Variants in ARK2N observed in about 807,000 individuals in gnomAD.
ARK2N encodes the protein protein ARK2N.
the ARK2N span, among the ~76,000 whole-genome samples, chr18:46,185,315 A>G: frequency 3.8e-4 from 58 of 152,334 alleles, no homozygotes; most frequent in African/African-American, 1.3e-3. Context: ...TGTCTTTCTC[A>G]TAGTGTGCTA....
At chr18:46,183,679 T>C in the ARK2N span, among the ~76,000 whole-genome samples, 1 of 152,148 alleles carries the variant, frequency 6.6e-6, no homozygotes, top group African/African-American at 2.4e-5. Flanking sequence ...CTTTCTACTA[T>C]ATTGTATTTC....
chr18:46,263,194 C>T, the ARK2N span: 45 of 1,396,062 alleles, frequency 3.2e-5, no homozygotes, highest in South Asian at 6.1e-4. Flanking sequence ...AGTTCATTGT[C>T]ATAGCTTCAG....
chr18:46,184,512 A>G, the ARK2N span, among the ~76,000 whole-genome samples: 16 of 152,220 alleles, frequency 1.1e-4, no homozygotes, highest in African/African-American at 3.9e-4. Context: ...GCTTAAATAC[A>G]GGAGTTTGAG....
At chr18:46,253,918 A>G in the ARK2N span, 15 of 1,376,558 alleles carry the variant, frequency 1.1e-5, no homozygotes, top group Non-Finnish European at 1.3e-5. Flanking sequence ...TTTATGGCAT[A>G]GCTGGCATGA....
the ARK2N span, among the ~76,000 whole-genome samples, chr18:46,253,418 A>T: frequency 6.6e-6 from 1 of 152,100 alleles, no homozygotes; most frequent in Non-Finnish European, 1.5e-5. Context: ...AAGCATTTAA[A>T]TTTTTTTATC....
chr18:46,195,772 C>T, the ARK2N span, among the ~76,000 whole-genome samples: 6 of 151,562 alleles, frequency 4.0e-5, no homozygotes, highest in African/African-American at 9.7e-5. Context: ...GACAGAGCTT[C>T]GCCATGTTGG....
the ARK2N span, among the ~76,000 whole-genome samples, chr18:46,227,097 C>T: frequency 6.6e-6 from 1 of 152,200 alleles, no homozygotes; most frequent in African/African-American, 2.4e-5. Context: ...GCATGAGCCA[C>T]TGCGCCTGGC....
At chr18:46,246,761 G>A in the ARK2N span, among the ~76,000 whole-genome samples, 3 of 151,968 alleles carry the variant, frequency 2.0e-5, no homozygotes, top group African/African-American at 7.3e-5. Flanking sequence ...TTACCAACAT[G>A]GCCAAACCCC....
the ARK2N span, among the ~76,000 whole-genome samples, chr18:46,185,925 T>A: frequency 6.6e-6 from 1 of 152,034 alleles, no homozygotes; most frequent in Admixed American, 6.6e-5. Flanking sequence ...AGGTGGAGGT[T>A]TCTGTGAGCT....
At chr18:46,207,119 G>A in the ARK2N span, among the ~76,000 whole-genome samples, 2 of 152,182 alleles carry the variant, frequency 1.3e-5, no homozygotes, top group Non-Finnish European at 2.9e-5. Context: ...TCCTTCTGAC[G>A]CTACTCAGTA....
At chr18:46,252,281 T>TC in the ARK2N span, among the ~76,000 whole-genome samples, 330 of 151,238 alleles carry the variant, frequency 2.2e-3, 1 homozygote, top group African/African-American at 7.6e-3. Flanking sequence ...AATTTTCTTT[T>TC]CTTTTTTTTT....
chr18:46,216,714 G>A, the ARK2N span: 1 of 885,950 alleles, frequency 1.1e-6, no homozygotes, highest in Non-Finnish European at 1.7e-6. This position sits in a 1 kb window ranked among gnomAD's most constrained non-coding sequence, Gnocchi z 4.3. Flanking sequence ...GTGTAAATTT[G>A]AAGACTGCAG....
the ARK2N span, among the ~76,000 whole-genome samples, chr18:46,222,481 A>G: frequency 6.6e-6 from 1 of 152,210 alleles, no homozygotes; most frequent in Non-Finnish European, 1.5e-5. Context: ...AGATGATGTT[A>G]ATTAAAAAGC....
chr18:46,220,288 C>T, the ARK2N span, among the ~76,000 whole-genome samples: 3 of 152,172 alleles, frequency 2.0e-5, no homozygotes, highest in East Asian at 3.8e-4. Context: ...ATCCATGCAG[C>T]CAGGCTAGAC....
chr18:46,178,188 A>G, the ARK2N span, among the ~76,000 whole-genome samples: 4 of 152,242 alleles, frequency 2.6e-5, no homozygotes, highest in African/African-American at 9.6e-5. Context: ...GATAGGGCAG[A>G]TGGAGATAGG....
chr18:46,200,073 TGTGTGTGTGTGTGTGTGTGC>T, the ARK2N span, among the ~76,000 whole-genome samples: 30 of 151,464 alleles, frequency 2.0e-4, no homozygotes, highest in Middle Eastern at 3.4e-3. Flanking sequence ...TTATTGTGTG[TGTGTGTGTGTGTGTGTGTGC>T]GCGCGCGTGC....
At chr18:46,250,258 A>G in the ARK2N span, among the ~76,000 whole-genome samples, 1 of 151,962 alleles carries the variant, frequency 6.6e-6, no homozygotes, top group Non-Finnish European at 1.5e-5. Flanking sequence ...TCTGCTTGCA[A>G]GTCCTGCTAT....
At chr18:46,258,009 C>T in the ARK2N span, among the ~76,000 whole-genome samples, 1 of 151,772 alleles carries the variant, frequency 6.6e-6, no homozygotes. Flanking sequence ...TCACTGCAAC[C>T]TCTGCCTCCT....
At chr18:46,234,806 C>T in the ARK2N span, among the ~76,000 whole-genome samples, 1 of 152,074 alleles carries the variant, frequency 6.6e-6, no homozygotes, top group Non-Finnish European at 1.5e-5. Context: ...ATCAAAGGGC[C>T]TGTGATAGGG....
Sources: allele counts gnomAD v4.1 joint callset (sites outside exome capture counted in the v4.1 genomes callset), GRCh38; gene constraint gnomAD v4.1.1; non-coding constraint Gnocchi (gnomAD v3.1); transcripts MANE v1.5; gene names NCBI Gene and HGNC (gene_info 2026-07-23, HGNC 2026-07-21).